GRIK1: variants seen among roughly 807,000 people sequenced by gnomAD.
GRIK1 encodes the protein glutamate ionotropic receptor kainate type subunit 1.
GRIK1 carries 69 observed loss-of-function variants against 105.7 expected under a neutral mutation model. That is an observed-to-expected ratio of 0.65 (90% CI 0.54 to 0.80). The LOEUF (loss-of-function observed/expected upper bound fraction) is 0.80. Among genes scored for constraint, GRIK1 ranks in the 30% least tolerant of loss-of-function variants. GRIK1 has a pLI of 0.00. For missense variants in GRIK1, 1,109 were observed against 1,167.3 expected (o/e 0.95, Z 0.73); for synonymous variants, 438 against 431.3 (o/e 1.02, Z -0.19).
chr21:29,880,266 C>G (rs2069356922), intron 1 of GRIK1, among the ~76,000 whole-genome samples: 1 of 152,114 alleles, frequency 6.6e-6, no homozygotes, highest in Non-Finnish European at 1.5e-5. Context: ...ACTTCCTACA[C>G]TGTCATTAGA....
intron 1 of GRIK1, among the ~76,000 whole-genome samples, chr21:29,718,316 G>C (rs1028227107): frequency 6.6e-6 from 1 of 152,130 alleles, no homozygotes; most frequent in Non-Finnish European, 1.5e-5. Context: ...GTCTGGATTG[G>C]AATTGAGTCA....
chr21:29,905,031 T>G (rs1380171204), intron 1 of GRIK1, among the ~76,000 whole-genome samples: 1 of 152,176 alleles, frequency 6.6e-6, no homozygotes, highest in African/African-American at 2.4e-5. Flanking sequence ...CCGAGCGGTC[T>G]CATGATCCTA....
chr21:29,931,884 AAT>A (rs1245354119), intron 1 of GRIK1, among the ~76,000 whole-genome samples: 6 of 152,166 alleles, frequency 3.9e-5, no homozygotes, highest in Admixed American at 2.0e-4. Context: ...TGTAAAAAAT[AAT>A]ATGTTTTAAT....
At chr21:29,776,803 C>T (rs1175312670) in intron 1 of GRIK1, among the ~76,000 whole-genome samples, 2 of 152,120 alleles carry the variant, frequency 1.3e-5, no homozygotes, top group Non-Finnish European at 2.9e-5. Context: ...TGCCAGGGAT[C>T]TTAGGTAGAT....
At chr21:29,688,485 T>TA (rs2063526172) in intron 3 of GRIK1, among the ~76,000 whole-genome samples, 2 of 152,132 alleles carry the variant, frequency 1.3e-5, no homozygotes, top group Admixed American at 6.5e-5. Flanking sequence ...TTACAAAATG[T>TA]GTAGATCAAG....
chr21:29,839,780 G>A (rs567146203), intron 1 of GRIK1, among the ~76,000 whole-genome samples: 1 of 152,208 alleles, frequency 6.6e-6, no homozygotes, highest in Admixed American at 6.5e-5. Context: ...AACAAAGATA[G>A]AACTCATCCT....
At chr21:29,721,259 C>A (rs945245607) in intron 1 of GRIK1, among the ~76,000 whole-genome samples, 5 of 151,994 alleles carry the variant, frequency 3.3e-5, no homozygotes, top group African/African-American at 4.8e-5. Context: ...GTTATTGAAC[C>A]CTCCGAGGAT....
chr21:29,683,282 T>C (rs2063417109), intron 3 of GRIK1, among the ~76,000 whole-genome samples: 1 of 152,226 alleles, frequency 6.6e-6, no homozygotes, highest in Non-Finnish European at 1.5e-5. Context: ...TTACTGGGTA[T>C]ATATCCAAAA....
At chr21:29,889,749 T>C (rs2069822958) in intron 1 of GRIK1, among the ~76,000 whole-genome samples, 1 of 152,134 alleles carries the variant, frequency 6.6e-6, no homozygotes, top group Non-Finnish European at 1.5e-5. Flanking sequence ...AAATAGTGTG[T>C]TTCAGCAAAG....
chr21:29,556,679 GCT>G (rs1055678964), intron 15 of GRIK1, among the ~76,000 whole-genome samples: 1 of 152,030 alleles, frequency 6.6e-6, no homozygotes, highest in East Asian at 1.9e-4. Flanking sequence ...ATGATCTTTG[GCT>G]CTCTCTCTTT....
At chr21:29,677,675 C>T (rs929474547) in intron 3 of GRIK1, among the ~76,000 whole-genome samples, 3 of 152,072 alleles carry the variant, frequency 2.0e-5, no homozygotes, top group East Asian at 3.9e-4. Context: ...TTTAGATTGC[C>T]CCTTTTTATG....
chr21:29,856,895 G>A (rs1320453992), intron 1 of GRIK1, among the ~76,000 whole-genome samples: 2 of 152,050 alleles, frequency 1.3e-5, no homozygotes, highest in African/African-American at 2.4e-5. Flanking sequence ...TAAGGACCCC[G>A]AGGTTGGAAT....
chr21:29,662,403 C>G (rs2062982737), intron 4 of GRIK1, among the ~76,000 whole-genome samples: 1 of 152,080 alleles, frequency 6.6e-6, no homozygotes, highest in South Asian at 2.1e-4. Context: ...TCTGCAACAT[C>G]TAGGGAAAAT....
At chr21:29,919,182 C>T (rs2071106014) in intron 1 of GRIK1, among the ~76,000 whole-genome samples, 1 of 152,106 alleles carries the variant, frequency 6.6e-6, no homozygotes, top group African/African-American at 2.4e-5. Context: ...AAGCCACAAG[C>T]TGTTCCTGTC....
chr21:29,752,816 T>A (rs950467015), intron 1 of GRIK1, among the ~76,000 whole-genome samples: 2 of 152,206 alleles, frequency 1.3e-5, no homozygotes, highest in Non-Finnish European at 2.9e-5. Flanking sequence ...CAACTTTGGA[T>A]GACAGAGTGA....
At chr21:29,714,497 G>A (rs2300318) in intron 1 of GRIK1, among the ~76,000 whole-genome samples, 9,137 of 152,100 alleles carry the variant, frequency 0.06, 701 homozygotes, top group East Asian at 0.22. Context: ...AGGACATTTG[G>A]TGCTGAAACC....
At chr21:29,575,249 T>G (rs1465754549) in intron 14 of GRIK1, among the ~76,000 whole-genome samples, 1 of 152,280 alleles carries the variant, frequency 6.6e-6, no homozygotes, top group Middle Eastern at 3.4e-3. Flanking sequence ...TAGTTTTTGT[T>G]TCTAAGCTGG....
chr21:29,560,431 TTC>T lies in GRIK1; in HGVS notation c.2356+1191_2356+1192del, dbSNP rs1159941824. 2.5e-4 allele frequency among the ~76,000 whole-genome samples: 31 copies of T among 125,196 alleles called. 3 individuals are homozygous for T. The highest frequency in any genetic ancestry group is 1.0e-3 in the African/African-American group (25 of 25,100). 82.1% of individuals were successfully genotyped at this position (125,196 alleles called of 152,430 possible). ...TTTCTTTCTTTCTTTCTTTCTTTCTTTCTTTCTTTTTCTTTCTCCCTTTCTTT... is the reference window on the plus strand; with the variant it reads ...TTTCTTTCTTTCTTTCTTTCTTTCTTTTTCTTTTTCTTTCTCCCTTTCTTT... On this transcript the variant is annotated intron_variant, in intron 15 of 17. Transcript: ENST00000327783.
intron 1 of GRIK1, among the ~76,000 whole-genome samples, chr21:29,722,839 T>G (rs1179693459): frequency 2.6e-5 from 4 of 152,182 alleles, no homozygotes; most frequent in Non-Finnish European, 4.4e-5. Context: ...GAGATTGAAT[T>G]GAGATTTAAG....
Sources: gnomAD v4.1 joint callset for allele counts (sites outside exome capture counted in the v4.1 genomes callset) on GRCh38, gnomAD v4.1.1 for gene constraint, MANE v1.5 for transcripts, NCBI Gene and HGNC (gene_info 2026-07-23, HGNC 2026-07-21) for gene names.